RBM42: variants seen among roughly 807,000 people sequenced by gnomAD.
The protein encoded by RBM42 is RNA-binding protein 42.
A neutral mutation model predicts 41.4 loss-of-function variants in RBM42; 21 were observed. The ratio of observed to expected loss-of-function variants is 0.51; its 90% confidence interval spans 0.36 to 0.73. RBM42 has a LOEUF of 0.73. RBM42 is among the 30% of genes least tolerant of loss of function. The probability of loss-of-function intolerance (pLI) is 0.00; values close to 1 mark genes in which losing one functional copy is unlikely to be tolerated. For missense variants in RBM42, 539 were observed against 680.4 expected (o/e 0.79, Z 2.31); for synonymous variants, 272 against 271.2 (o/e 1.00, Z -0.03).
At chr19:35,630,505 C>T (rs781432603) in intron 2 of RBM42, among the ~76,000 whole-genome samples, 8 of 152,078 alleles carry the variant, frequency 5.3e-5, no homozygotes, top group African/African-American at 1.9e-4. Context: ...CGGTTGCTCA[C>T]GCCTGTAATC....
chr19:35,637,167 G>A lies in RBM42; in HGVS notation c.1145G>A (p.Arg382Gln), dbSNP rs1176346916. Residue 382 changes from arginine to glutamine, a missense_variant, in exon 9 of 10, where the codon CGG becomes CAG. This residue lies in a region of RBM42 where 110 missense variants were observed against 191.5 expected (regional missense o/e 0.57). Coordinates refer to ENST00000262633, the MANE Select transcript of RBM42 (RefSeq NM_024321.5). The surrounding 1 kb of genome is among the most constrained non-coding windows in gnomAD (Gnocchi z 7.0). Reference protein sequence around the residue: ...SLLEWDADDFRIFCGDLGNEV... With the variant: ...SLLEWDADDFQIFCGDLGNEV... ...TCTTCCCCATCCCCAGATGACTTCC[G>A]GATCTTCTGTGGGGATCTGGGCAAT... The A allele has an allele frequency of 1.9e-6, 3 of 1,613,104 alleles. No homozygotes were observed. Among genetic ancestry groups the A allele is most frequent in the South Asian group, 1.1e-5 (1 of 90,884 alleles).
At chr19:35,634,901 G>A (rs964755653) in intron 8 of RBM42, among the ~76,000 whole-genome samples, 1 of 152,038 alleles carries the variant, frequency 6.6e-6, no homozygotes, top group Non-Finnish European at 1.5e-5. Flanking sequence ...ACATTTTGCT[G>A]TGTTCACTTT....
chr19:35,630,966 G>C (rs185238775), intron 2 of RBM42, among the ~76,000 whole-genome samples, 174 bp from the exon 3 acceptor site: 2 of 152,318 alleles, frequency 1.3e-5, no homozygotes, highest in East Asian at 3.9e-4. Flanking sequence ...GCTGCTCAGA[G>C]AGCCCTAGTG....
At chr19:35,633,637 A>G (rs1298872954) in intron 6 of RBM42, 50 bp from the exon 7 acceptor site, 1 of 1,375,894 alleles carries the variant, frequency 7.3e-7, no homozygotes, top group South Asian at 1.8e-5. Flanking sequence ...GATGACAGTA[A>G]AGTCTGAGCC....
chr19:35,629,689 G>C lies in RBM42; in HGVS notation c.282+16G>C, dbSNP rs1237246396. On this transcript the variant is annotated intron_variant, in intron 2 of 9. Transcript: ENST00000262633. ...ATACCAGCAGGTACGGCTGAGCTAA[G>C]GCATGTAAGTCAGGGAACACAATGC... 2 of 1,613,450 alleles carry C rather than the reference G, an allele frequency of 1.2e-6. No homozygotes were observed. The highest frequency in any genetic ancestry group is 2.7e-5 in the African/African-American group (2 of 74,912).
At chr19:35,631,495 C>A in intron 4 of RBM42, 90 bp downstream of exon 4, 1 of 1,254,130 alleles carries the variant, frequency 8.0e-7, no homozygotes, top group Non-Finnish European at 1.1e-6. Flanking sequence ...CTCTAAATTA[C>A]CCTTTGCCTT....
In RBM42 at chr19:35,629,161, G is replaced by A. The variant is rs1295106509; in HGVS notation, c.8G>A (p.Gly3Glu). MAGAGPAPGLPGA... is the reference protein window; with the variant it reads MAEAGPAPGLPGA... ...ACAGCGACGACGGCAGCGATGGCTG[G>A]GGCGGGGCCAGCCCCGGGACTCCCG... The change falls in exon 1 of 10, where the codon GGG becomes GAG. Residue 3 changes from glycine to glutamate, a missense_variant. Transcript: ENST00000262633. The A allele has an allele frequency of 2.0e-6, 3 of 1,522,226 alleles. No individual in the cohort carries two copies. Among genetic ancestry groups the A allele is most frequent in the Admixed American group, 4.5e-5 (2 of 44,836 alleles). 94.3% of individuals were successfully genotyped at this position (1,522,226 alleles called of 1,614,324 possible).
rs1352707564 is a variant in RBM42, at chr19:35,634,367, G to C, written c.1129G>C (p.Asp377His). ...GGAGGACCCCAGCCTGCTGGAGTGG[G>C]ATGCAGGTAAGCTGCTGAAGCTCGA... ...SWEDPSLLEWDADDFRIFCGD... is the reference protein window; with the variant it reads ...SWEDPSLLEWHADDFRIFCGD... The change falls in exon 8 of 10, where the codon GAT becomes CAT. Residue 377 changes from aspartate to histidine, a missense_variant. By Grantham distance (81) the Asp-to-His change is moderately conservative. Coordinates refer to ENST00000262633, the MANE Select transcript of RBM42 (RefSeq NM_024321.5). The C allele has an allele frequency of 6.2e-7, 1 of 1,612,734 alleles. No homozygotes were observed. Among genetic ancestry groups the C allele is most frequent in the Admixed American group, 1.7e-5 (1 of 60,004 alleles).
chr19:35,633,373 A>G (rs866077568), intron 6 of RBM42, 121 bp downstream of exon 6: 5 of 814,206 alleles, frequency 6.1e-6, no homozygotes, highest in Middle Eastern at 3.7e-4. Context: ...CTACCTTCTC[A>G]CTCTGCCTTT....
In RBM42 at chr19:35,629,257, A is replaced by G. The variant is rs1967362370; in HGVS notation, c.104A>G (p.Lys35Arg). The change falls in exon 1 of 10, where the codon AAG (lysine) becomes AGG (arginine). Residue 35 changes from lysine (K) to arginine (R), a missense_variant. By Grantham distance (26) the Lys-to-Arg change is conservative. Coordinates refer to ENST00000262633, the MANE Select transcript of RBM42 (RefSeq NM_024321.5). The part of the protein sequence containing the change: ...IPGKSGEERL[K>R]EMEAEMALFE... ...GGCAAAAGCGGCGAGGAACGCTTGA[A>G]GGAAATGGAGGCGGAGATGGCCCTG... is the stretch of plus-strand genomic sequence containing the variant. The G allele has an allele frequency of 2.0e-6, 3 of 1,535,558 alleles. No individual in the cohort carries two copies. The East Asian group carries it at 7.4e-5, about 38-fold the overall frequency.
Position 35,631,207 on chromosome 19 carries a change from C to G in RBM42, c.350C>G (p.Pro117Arg). 6.2e-7 allele frequency: 1 copy of G among 1,614,134 alleles called. No individual in the cohort carries two copies. Among genetic ancestry groups the G allele is most frequent in the Non-Finnish European group, 8.5e-7 (1 of 1,180,006 alleles). The stretch of plus-strand genomic sequence containing the variant: ...GTAGTTCCTCCCATGGTGGGTGGCC[C>G]TCCTTTTGTAGGCCCTGGTAAGTAA... ...ATVVPPMVGG[P>R]PFVGPVGFGP... The change falls in exon 3 of 10, where the codon CCT becomes CGT. Residue 117 changes from proline to arginine, a missense_variant. Coordinates refer to ENST00000262633, the MANE Select transcript of RBM42 (RefSeq NM_024321.5).
At chr19:35,630,312 CAAAA>C (rs35545845) in intron 2 of RBM42, among the ~76,000 whole-genome samples, 1 of 107,926 alleles carries the variant, frequency 9.3e-6, no homozygotes, top group East Asian at 2.6e-4. Flanking sequence ...GACTCCGTCT[CAAAA>C]AAAAAAAAAA....
chr19:35,630,696 G>A lies in RBM42; in HGVS notation c.283-444G>A, dbSNP rs189594559. Reference sequence around the variant, plus strand: ...CAGGAATATCACTTGAACCCAGGAGGCGGAGGTTGCAGTGAGCCAAGCTCG... The same window carrying A: ...CAGGAATATCACTTGAACCCAGGAGACGGAGGTTGCAGTGAGCCAAGCTCG... On this transcript the variant is annotated intron_variant, in intron 2 of 9. Transcript: ENST00000262633. Among the ~76,000 whole-genome samples the A allele has an allele frequency of 1.8e-3, 276 of 152,282 alleles. 2 individuals carry two copies. The highest frequency in any genetic ancestry group is 0.014 in the Middle Eastern group (4 of 294).
intron 4 of RBM42, 97 bp downstream of exon 4, chr19:35,631,502 C>A: frequency 9.0e-7 from 1 of 1,116,912 alleles, no homozygotes; most frequent in Non-Finnish European, 1.3e-6. Context: ...TTACCCTTTG[C>A]CTTTGATCCC....
chr19:35,635,079 C>T (rs1338319492), intron 8 of RBM42, among the ~76,000 whole-genome samples: 1 of 151,630 alleles, frequency 6.6e-6, no homozygotes, highest in African/African-American at 2.4e-5. Flanking sequence ...CTTTGGGAGG[C>T]GGAGGCAGGT....
chr19:35,632,775 A>G (rs1967427291), intron 4 of RBM42, among the ~76,000 whole-genome samples, 161 bp from the exon 5 acceptor site: 1 of 151,924 alleles, frequency 6.6e-6, no homozygotes, highest in South Asian at 2.1e-4. Context: ...TCATGGAATG[A>G]ACCAGGGGAG....
intron 8 of RBM42, among the ~76,000 whole-genome samples, chr19:35,635,281 A>G (rs1967476238): frequency 6.7e-6 from 1 of 148,994 alleles, no homozygotes; most frequent in Non-Finnish European, 1.5e-5. Flanking sequence ...AGGCCACTGC[A>G]CTCTAGCCTG....
chr19:35,633,064 A>G lies in RBM42; in HGVS notation c.509-13A>G. The G allele has an allele frequency of 1.2e-6, 2 of 1,610,916 alleles. No homozygotes were observed. Among genetic ancestry groups the G allele is most frequent in the Non-Finnish European group, 1.7e-6 (2 of 1,177,714 alleles). Reference sequence around the variant, plus strand: ...CCCCCAGGCCCTGGAACTCCCCACTAACACCCTGACAGATTCCGCTCTCTC... The same window carrying G: ...CCCCCAGGCCCTGGAACTCCCCACTGACACCCTGACAGATTCCGCTCTCTC... On this transcript the variant is annotated splice_polypyrimidine_tract_variant and intron_variant, in intron 5 of 9. Coordinates refer to ENST00000262633, the MANE Select transcript of RBM42 (RefSeq NM_024321.5).
Position 35,629,129 on chromosome 19 carries a change from A to AGCGGCGACAGCG in RBM42, c.-24_-13dup. The AGCGGCGACAGCG allele has an allele frequency of 6.6e-7, 1 of 1,519,648 alleles. No homozygotes were observed. The highest frequency in any genetic ancestry group is 1.2e-5 in the South Asian group (1 of 82,556). The allele number at this position is 1,519,648 out of a possible 1,614,324, so 94.1% of individuals were successfully genotyped here. ...GCGGCGGCTAAGCAGAGACTGTAGT[A>AGCGGCGACAGCG]GCGGCGACAGCGACGACGGCAGCGA... On this transcript the variant is annotated 5_prime_UTR_variant, in exon 1 of 10. Coordinates refer to ENST00000262633, the MANE Select transcript of RBM42 (RefSeq NM_024321.5).
Sources: gnomAD v4.1 joint callset for allele counts (sites outside exome capture counted in the v4.1 genomes callset) on GRCh38, gnomAD v4.1.1 for gene constraint, gnomAD v4.1.1 regional missense constraint, Gnocchi (gnomAD v3.1) non-coding constraint, MANE v1.5 for transcripts, NCBI Gene and HGNC (gene_info 2026-07-23, HGNC 2026-07-21) for gene names.